The following CTNNA3 variants were observed in gnomAD, a reference collection of about 807,000 sequenced individuals.
CTNNA3 encodes the protein catenin alpha 3.
A neutral mutation model predicts 95.7 loss-of-function variants in CTNNA3; 76 were observed. That is an observed-to-expected ratio of 0.79 (90% confidence interval 0.66 to 0.96). CTNNA3 has a LOEUF of 0.96. CTNNA3 is among the 40% of genes least tolerant of loss of function. The probability of loss-of-function intolerance (pLI) is 0.00; values close to 1 mark genes in which losing one functional copy is unlikely to be tolerated. For synonymous variants in CTNNA3, 431 were observed against 374.4 expected (o/e 1.15, Z -1.74); for missense variants, 1,191 against 1,089.8 (o/e 1.09, Z -1.31).
At chr10:65,924,850 C>G (rs2077141931) in intron 17 of CTNNA3, among the ~76,000 whole-genome samples, 1 of 152,206 alleles carries the variant, frequency 6.6e-6, no homozygotes, top group Non-Finnish European at 1.5e-5. Flanking sequence ...CAAGAAGGAA[C>G]AAAGTCATGT....
intron 1 of CTNNA3, among the ~76,000 whole-genome samples, chr10:67,686,352 G>C (rs1181072805): frequency 6.6e-6 from 1 of 152,172 alleles, no homozygotes. Flanking sequence ...CGGTATATAG[G>C]TTAAGGTCAG....
At chr10:66,577,152 C>T (rs1408235598) in intron 10 of CTNNA3, among the ~76,000 whole-genome samples, 2 of 151,358 alleles carry the variant, frequency 1.3e-5, no homozygotes, top group African/African-American at 2.4e-5. Flanking sequence ...CTCTTCTTGT[C>T]CTTTGCCCAC....
chr10:67,602,398 C>T (rs1843112843), intron 3 of CTNNA3, among the ~76,000 whole-genome samples: 1 of 152,180 alleles, frequency 6.6e-6, no homozygotes. Flanking sequence ...AATTCCAGAA[C>T]GATGTGCCAT....
At chr10:66,680,213 C>G (rs34673759) in intron 9 of CTNNA3, among the ~76,000 whole-genome samples, 83,860 of 151,236 alleles carry the variant, frequency 0.55, 23,978 homozygotes, top group African/African-American at 0.68. Context: ...GTTTGTTTTA[C>G]TAGAGATGGG....
chr10:66,581,050 C>A (rs958992092), intron 10 of CTNNA3, among the ~76,000 whole-genome samples: 3 of 151,678 alleles, frequency 2.0e-5, no homozygotes, highest in Admixed American at 6.6e-5. Flanking sequence ...CCTCTAGTTC[C>A]AACCAAGTTG....
chr10:67,690,891 T>C lies in CTNNA3; in HGVS notation c.-6+5109A>G, dbSNP rs184230045. Among the ~76,000 whole-genome samples, 1,300 of 152,130 alleles carry C rather than the reference T, an allele frequency of 8.5e-3. 25 individuals are homozygous for C. The highest frequency in any genetic ancestry group is 0.029 in the African/African-American group (1,208 of 41,498). On this transcript the variant is annotated intron_variant, in intron 1 of 17. Coordinates refer to ENST00000433211, the MANE Select transcript of CTNNA3 (RefSeq NM_013266.4). Reference sequence around the variant, plus strand: ...CTCCCTCTCCGTCTCTGTCTCCCTCTCCCCACGGTCTCCCTCTCCCTCTCT... The same window carrying C: ...CTCCCTCTCCGTCTCTGTCTCCCTCCCCCCACGGTCTCCCTCTCCCTCTCT...
intron 4 of CTNNA3, among the ~76,000 whole-genome samples, chr10:67,526,170 G>T (rs1214455062): frequency 6.6e-6 from 1 of 151,968 alleles, no homozygotes; most frequent in Non-Finnish European, 1.5e-5. Context: ...ACTTAAATAT[G>T]GCAACCACAG....
At chr10:66,648,828 G>C (rs773334283) in intron 9 of CTNNA3, among the ~76,000 whole-genome samples, 1 of 152,110 alleles carries the variant, frequency 6.6e-6, no homozygotes, top group East Asian at 1.9e-4. Context: ...ATATTACATA[G>C]TGGTTTATAC....
At chr10:67,600,090 A>C (rs1380077361) in intron 3 of CTNNA3, among the ~76,000 whole-genome samples, 2 of 152,124 alleles carry the variant, frequency 1.3e-5, no homozygotes, top group Non-Finnish European at 2.9e-5. Flanking sequence ...AGAGTAATTC[A>C]AAAGAAAAAA....
At chr10:66,685,633 A>C (rs2132517868) in intron 9 of CTNNA3, among the ~76,000 whole-genome samples, 1 of 151,478 alleles carries the variant, frequency 6.6e-6, no homozygotes, top group Admixed American at 6.6e-5. Context: ...CGGCCTCCCA[A>C]AGTGCTGGGA....
chr10:66,379,579 G>C (rs1481905501), intron 11 of CTNNA3, among the ~76,000 whole-genome samples: 3 of 152,030 alleles, frequency 2.0e-5, no homozygotes. Context: ...AGAGAAATTT[G>C]TATTGACTGC....
intron 9 of CTNNA3, among the ~76,000 whole-genome samples, chr10:66,710,442 T>C (rs1455363947): frequency 6.6e-6 from 1 of 152,076 alleles, no homozygotes; most frequent in Non-Finnish European, 1.5e-5. Flanking sequence ...TCTCAACTTT[T>C]ATCTATCATT....
At chr10:67,078,061 A>C (rs1205850721) in intron 7 of CTNNA3, among the ~76,000 whole-genome samples, 1 of 152,206 alleles carries the variant, frequency 6.6e-6, no homozygotes. Flanking sequence ...GACCAGGGTC[A>C]TACTTGGACC....
chr10:66,689,818 G>T (rs1012763519), intron 9 of CTNNA3, among the ~76,000 whole-genome samples: 1 of 152,154 alleles, frequency 6.6e-6, no homozygotes, highest in South Asian at 2.1e-4. Flanking sequence ...CTACAAGGGA[G>T]AGAGGGGGAA....
chr10:67,304,112 A>T (rs887560700), intron 5 of CTNNA3, among the ~76,000 whole-genome samples: 1 of 152,202 alleles, frequency 6.6e-6, no homozygotes, highest in Admixed American at 6.5e-5. Context: ...AGATGTAAAC[A>T]TATATAATGT....
At chr10:65,924,134 AT>A (rs1280286055) in intron 17 of CTNNA3, among the ~76,000 whole-genome samples, 1 of 152,114 alleles carries the variant, frequency 6.6e-6, no homozygotes, top group Non-Finnish European at 1.5e-5. Flanking sequence ...TGAAGAACCA[AT>A]TTTCCAAAAT....
chr10:66,379,007 C>T (rs1178501591), intron 12 of CTNNA3, 145 bp downstream of exon 12: 3 of 652,096 alleles, frequency 4.6e-6, no homozygotes, highest in Non-Finnish European at 7.9e-6. Flanking sequence ...TTTCAAATCG[C>T]ATAACCAAAG....
chr10:65,947,560 T>C (rs957317318), intron 17 of CTNNA3, among the ~76,000 whole-genome samples: 8 of 152,220 alleles, frequency 5.3e-5, no homozygotes, highest in African/African-American at 1.9e-4. Flanking sequence ...CTTTCTATTC[T>C]TCCCTTTCCT....
chr10:66,383,734 T>A (rs141846172), intron 11 of CTNNA3, among the ~76,000 whole-genome samples: 11,614 of 152,238 alleles, frequency 0.076, 563 homozygotes, highest in East Asian at 0.22. Flanking sequence ...CCCATCAGAC[T>A]AACAGCAGAT....
Sources: gnomAD v4.1 joint callset for allele counts (sites outside exome capture counted in the v4.1 genomes callset) on GRCh38, gnomAD v4.1.1 for gene constraint, MANE v1.5 for transcripts, NCBI Gene and HGNC (gene_info 2026-07-23, HGNC 2026-07-21) for gene names.